The following ZNF584 variants were observed in gnomAD, a reference collection of about 807,000 sequenced individuals.
ZNF584 encodes the protein zinc finger protein 584.
Under a neutral mutation model 14.7 loss-of-function variants are expected in ZNF584, and 12 were observed. The observed-to-expected ratio is 0.82, with a 90% CI of 0.52 to 1.32. The LOEUF (loss-of-function observed/expected upper bound fraction) is 1.32, where lower values mean the gene tolerates loss of function less well. Among genes scored for constraint, ZNF584 ranks in the 40% most tolerant of loss-of-function variants. The pLI, the probability that ZNF584 is intolerant of heterozygous loss-of-function variation, is 0.00. For missense variants in ZNF584, 478 were observed against 518.8 expected (o/e 0.92, Z 0.76); for synonymous variants, 204 against 190.9 (o/e 1.07, Z -0.57).
At chr19:58,410,237 G>A in intron 2 of ZNF584, 146 bp downstream of exon 2, 2 of 1,074,312 alleles carry the variant, frequency 1.9e-6, no homozygotes, top group Non-Finnish European at 2.6e-6. Flanking sequence ...GGACTCGGTG[G>A]TGGGACTCGG....
Position 58,414,931 on chromosome 19 carries a change from C to T in ZNF584, c.170-593C>T, listed in dbSNP as rs1029362852. ...TTTTTGAGACAGAGTCTCGCACTGT[C>T]GCCCAGGCTGGAGTGCAGTGGTGTG... is the stretch of plus-strand genomic sequence containing the variant. On this transcript the variant is annotated intron_variant, in intron 2 of 3. Transcript: ENST00000306910. Among the ~76,000 whole-genome samples, 14 of 151,624 alleles carry T rather than the reference C, an allele frequency of 9.2e-5. No homozygotes were observed. In the South Asian group the frequency reaches 1.2e-3, roughly 14 times the overall value.
rs1353594392 is a variant in ZNF584, at chr19:58,417,368, A to G, written c.850A>G (p.Thr284Ala). The G allele has an allele frequency of 2.5e-6, 4 of 1,613,884 alleles. No homozygotes were observed. The highest frequency in any genetic ancestry group is 3.4e-6 in the Non-Finnish European group (4 of 1,179,962). ...KCGKTFSVLS[T>A]LIRHRKVHIG... ...TGGTAAAACCTTCAGTGTTCTGTCT[A>G]CCCTCATTCGGCACCGGAAAGTGCA... The change falls in exon 4 of 4, where the codon ACC (threonine) becomes GCC (alanine). Residue 284 changes from threonine to alanine, a missense_variant. By Grantham distance (58) the Thr-to-Ala change is moderately conservative (BLOSUM62 0). Coordinates refer to ENST00000306910, the MANE Select transcript of ZNF584 (RefSeq NM_173548.3).
In ZNF584 at chr19:58,417,169, T is replaced by C; in HGVS notation, c.651T>C (p.Asn217=). ...CTGGAGAAACAGCCCATGTGTGTAA[T>C]GAATGTGGGAAGGCCTTCAGTTACC... The part of the protein sequence containing the change: ...IHTGETAHVC[N]ECGKAFSYPS... Residue 217 remains asparagine, a synonymous_variant, in exon 4 of 4, where the codon AAT becomes AAC. Coordinates refer to ENST00000306910, the MANE Select transcript of ZNF584 (RefSeq NM_173548.3). The C allele has an allele frequency of 6.2e-7, 1 of 1,613,614 alleles. No homozygotes were observed. The highest frequency in any genetic ancestry group is 1.1e-5 in the South Asian group (1 of 91,050).
Position 58,415,445 on chromosome 19 carries a change from C to T in ZNF584, c.170-79C>T, listed in dbSNP as rs74395550. On this transcript the variant is annotated intron_variant, in intron 2 of 3. Coordinates refer to ENST00000306910, the MANE Select transcript of ZNF584 (RefSeq NM_173548.3). ...ACGTCTGGGTTTAAGTGATCTCCTA[C>T]CTCACTTTCCAAAGTGCTGGGATTA... 1.5e-3 allele frequency: 2,251 copies of T among 1,528,884 alleles called. 32 individuals are homozygous for T. In the African/African-American group the frequency reaches 0.028, roughly 19 times the overall value. The allele number at this position is 1,528,884 out of a possible 1,614,324, so 94.7% of individuals were successfully genotyped here.
intron 2 of ZNF584, among the ~76,000 whole-genome samples, chr19:58,413,817 TTTTC>T (rs2052606739): frequency 6.6e-6 from 1 of 150,966 alleles, no homozygotes; most frequent in South Asian, 2.1e-4. Context: ...TTTTCTTTTC[TTTTC>T]TTTTTTTCTT....
At chr19:58,415,461 G>A in intron 2 of ZNF584, 63 bp from the exon 3 acceptor site, 1 of 1,565,928 alleles carries the variant, frequency 6.4e-7, no homozygotes. Flanking sequence ...TTTCCAAAGT[G>A]CTGGGATTAC....
chr19:58,410,128 C>T (rs372971531), intron 2 of ZNF584, 37 bp downstream of exon 2: 1 of 1,560,966 alleles, frequency 6.4e-7, no homozygotes, highest in Non-Finnish European at 8.7e-7. Flanking sequence ...ACACTGACTA[C>T]CCCCTCATTT....
intron 1 of ZNF584, chr19:58,401,792 G>A (rs2122179339): frequency 7.4e-6 from 1 of 136,034 alleles, no homozygotes; most frequent in East Asian, 2.3e-4. Context: ...GGGGGCTGTC[G>A]CTTTGAGTAC....
chr19:58,409,314 G>C, intron 1 of ZNF584, 149 bp downstream of exon 1: 2 of 950,162 alleles, frequency 2.1e-6, no homozygotes, highest in Admixed American at 7.6e-5. Flanking sequence ...TTGGCAGTGG[G>C]AGCCATTGGA....
chr19:58,415,549 G>T lies in ZNF584; in HGVS notation c.195G>T (p.Val65=). 1 of 1,613,794 alleles carries T rather than the reference G, an allele frequency of 6.2e-7. No homozygotes were observed. The highest frequency in any genetic ancestry group is 8.5e-7 in the Non-Finnish European group (1 of 1,179,734). Residue 65 remains valine (V), a synonymous_variant, in exon 3 of 4, where the codon GTG becomes GTT. Coordinates refer to ENST00000306910, the MANE Select transcript of ZNF584 (RefSeq NM_173548.3). ...GACTTGCACCTTCGAGATCCCCTGT[G>T]TTTACCCAGCTGGAGGATGATGAAC... is the stretch of plus-strand genomic sequence containing the variant. The part of the protein sequence containing the change: ...SLGLAPSRSP[V]FTQLEDDEQS...
intron 1 of ZNF584, chr19:58,401,762 C>T (rs2052432470): frequency 6.6e-6 from 1 of 150,454 alleles, no homozygotes; most frequent in Non-Finnish European, 1.5e-5. Flanking sequence ...CGTCCCCGGC[C>T]CCGCGGGCTT....
chr19:58,402,824 C>CA (rs35168811), intron 1 of ZNF584, among the ~76,000 whole-genome samples: 4,668 of 47,108 alleles, frequency 0.099, 373 homozygotes, highest in African/African-American at 0.17. Context: ...AACTGCGTCT[C>CA]AAAAAAAAAA....
At position 58,409,058 on chromosome 19, in the gene ZNF584, A is replaced by C; in HGVS notation, c.-90A>C. 1 of 1,425,054 alleles carries C rather than the reference A, an allele frequency of 7.0e-7. No individual in the cohort carries two copies. The highest frequency in any genetic ancestry group is 9.3e-7 in the Non-Finnish European group (1 of 1,074,952). 88.3% of individuals were successfully genotyped at this position (1,425,054 alleles called of 1,614,324 possible). A position where few individuals can be genotyped will look rare whatever the true frequency, so the allele number is the denominator to read the frequency against. ...CCCGCGCGGGGAGAGCTTCCCGGGA[A>C]GGTTCCACGGCGGCCGAGGGTTTCC... On this transcript the variant is annotated 5_prime_UTR_variant, in exon 1 of 4. Coordinates refer to ENST00000306910, the MANE Select transcript of ZNF584 (RefSeq NM_173548.3).
chr19:58,409,229 G>T (rs1373889343), intron 1 of ZNF584, 64 bp downstream of exon 1: 1 of 1,382,180 alleles, frequency 7.2e-7, no homozygotes, highest in Non-Finnish European at 9.5e-7. Context: ...GTGTGCCAGG[G>T]CAGAGTTGGA....
At chr19:58,410,782 T>A (rs1364755302) in intron 2 of ZNF584, among the ~76,000 whole-genome samples, 1 of 22,396 alleles carries the variant, frequency 4.5e-5, no homozygotes, top group Admixed American at 4.7e-4. Flanking sequence ...TATATAATTT[T>A]TTTTTTTTTT....
chr19:58,413,593 G>A (rs192382863), intron 2 of ZNF584, among the ~76,000 whole-genome samples: 28 of 149,772 alleles, frequency 1.9e-4, no homozygotes, highest in African/African-American at 6.4e-4. Context: ...TGCAACCTCC[G>A]CCCCCCAAGT....
At position 58,409,338 on chromosome 19, in the gene ZNF584, A is replaced by G. The variant is rs927867546; in HGVS notation, c.18+173A>G. 1.3e-5 allele frequency: 10 copies of G among 770,040 alleles called. No individual in the cohort carries two copies. In the Admixed American group the frequency reaches 3.8e-4, roughly 29 times the overall value. 47.7% of individuals were successfully genotyped at this position (770,040 alleles called of 1,614,324 possible). ...GGAGCCATTGGAGATGTGCCGCAGG[A>G]CTGGGACAGGATGGGGTCGTAGTTG... is the stretch of plus-strand genomic sequence containing the variant. On this transcript the variant is annotated intron_variant, in intron 1 of 3. Coordinates refer to ENST00000306910, the MANE Select transcript of ZNF584 (RefSeq NM_173548.3).
Position 58,408,889 on chromosome 19 carries a change from C to A in ZNF584, c.-259C>A. ...GGGCAGGGACCTTTGCCGCGCCTTC[C>A]ACGCGCCGTGCCCCACCGGCGAGTG... On this transcript the variant is annotated 5_prime_UTR_variant, in exon 1 of 4. Transcript: ENST00000306910. The A allele has an allele frequency of 2.5e-6, 1 of 408,122 alleles. No homozygotes were observed. The highest frequency in any genetic ancestry group is 4.4e-6 in the Non-Finnish European group (1 of 228,284). 25.3% of individuals were successfully genotyped at this position (408,122 alleles called of 1,614,324 possible).
At chr19:58,410,657 G>GTA (rs1168823270) in intron 2 of ZNF584, among the ~76,000 whole-genome samples, 1 of 16,238 alleles carries the variant, frequency 6.2e-5, no homozygotes, top group African/African-American at 6.1e-4. Context: ...GTATATATGT[G>GTA]TATATATGTA....
Sources: gnomAD v4.1 joint callset for allele counts (sites outside exome capture counted in the v4.1 genomes callset) on GRCh38, gnomAD v4.1.1 for gene constraint, MANE v1.5 for transcripts, NCBI Gene and HGNC (gene_info 2026-07-23, HGNC 2026-07-21) for gene names.